The following PROB1 variants were observed in gnomAD, a reference collection of about 807,000 sequenced individuals.
The protein encoded by PROB1 is proline rich basic protein 1.
For synonymous variants in PROB1, 660 were observed against 699.3 expected (o/e 0.94, Z 0.89); for missense variants, 1,453 against 1,485.7 (o/e 0.98, Z 0.36).
chr5:139,394,156 G>A lies in PROB1; in HGVS notation c.926C>T (p.Ala309Val). ...PLRVRDNSAP[A>V]KAPRPWPSLR... ...GCTGGGCCACGGCCTCGGGGCCTTG[G>A]CGGGGGCCGAATTATCTCGTACGCG... is the stretch of plus-strand genomic sequence containing the variant. The change falls in exon 1 of 1, where the codon GCC becomes GTC. Residue 309 changes from alanine to valine, a missense_variant. By Grantham distance (64) the Ala-to-Val change is moderately conservative (BLOSUM62 0). Transcript: ENST00000434752. The A allele has an allele frequency of 1.9e-6, 3 of 1,546,206 alleles. No individual in the cohort carries two copies. Among genetic ancestry groups the A allele is most frequent in the Non-Finnish European group, 2.6e-6 (3 of 1,144,238 alleles).
chr5:139,394,092 G>A lies in PROB1; in HGVS notation c.990C>T (p.Pro330=). 7 of 1,550,444 alleles carry A rather than the reference G, an allele frequency of 4.5e-6. No homozygotes were observed. The highest frequency in any genetic ancestry group is 1.4e-5 in the African/African-American group (1 of 73,182). ...ERAIRRDKPA[P]GTEPLGPVSS... is the part of the protein sequence containing the mutation. ...TAACAGGACCCAGCGGCTCCGTCCC[G>A]GGCGCAGGCTTGTCGCGCCGAATCG... is the stretch of plus-strand genomic sequence containing the variant. Residue 330 remains proline, a synonymous_variant, in exon 1 of 1, where the codon CCC becomes CCT. Coordinates refer to ENST00000434752, the MANE Select transcript of PROB1 (RefSeq NM_001161546.2).
rs1385327897 is a variant in PROB1 at position 139,393,018 on chromosome 5, T to C, written c.2064A>G (p.Leu688=). 20 of 1,522,294 alleles carry C rather than the reference T, an allele frequency of 1.3e-5. No individual in the cohort carries two copies. The highest frequency in any genetic ancestry group is 1.8e-5 in the Non-Finnish European group (20 of 1,133,134). 94.3% of individuals were successfully genotyped at this position (1,522,294 alleles called of 1,614,324 possible). The stretch of plus-strand genomic sequence containing the variant: ...GCTCGTAGGGGTGCGGCACCACCGG[T>C]AGAAAATCCTTGATGAAAACGGAAG... ...HYTSVFIKDF[L]PVVPHPYEPP... The change falls in exon 1 of 1, where the codon CTA becomes CTG. Residue 688 remains leucine (L), a synonymous_variant. Coordinates refer to ENST00000434752, the MANE Select transcript of PROB1 (RefSeq NM_001161546.2).
rs1168387679 is a variant in PROB1, at chr5:139,393,995, G to A, written c.1087C>T (p.Pro363Ser). Residue 363 changes from proline to serine, a missense_variant, in exon 1 of 1, where the codon CCG becomes TCG. Physicochemically the swap from Pro to Ser is moderately conservative, Grantham distance 74 (BLOSUM62 -1). Transcript: ENST00000434752. ...ARKTRFPREA[P>S]DRTVQRARSP... ...CGTGCCCTCTGAACAGTTCGATCCG[G>A]CGCCTCTCGCGGGAACCGAGTCTTC... 5 of 1,550,578 alleles carry A rather than the reference G, an allele frequency of 3.2e-6. No homozygotes were observed. The highest frequency in any genetic ancestry group is 1.2e-5 in the South Asian group (1 of 84,066).
In PROB1 at chr5:139,394,518, A is replaced by G; in HGVS notation, c.564T>C (p.Cys188=). 1 of 1,453,238 alleles carries G rather than the reference A, an allele frequency of 6.9e-7. No individual in the cohort carries two copies. Among genetic ancestry groups the G allele is most frequent in the Non-Finnish European group, 9.0e-7 (1 of 1,111,046 alleles). The allele number at this position is 1,453,238 out of a possible 1,614,324, so 90.0% of individuals were successfully genotyped here. ...CGCCCTCCTCCAGAGCCACCTCCACACACTCGAACTGCGCTGGGGCGGCAG... is the reference window on the plus strand; with the variant it reads ...CGCCCTCCTCCAGAGCCACCTCCACGCACTCGAACTGCGCTGGGGCGGCAG... ...PSPAAPAQFE[C]VEVALEEGAA... The change falls in exon 1 of 1, where the codon TGT becomes TGC. Residue 188 remains cysteine, a synonymous_variant. Coordinates refer to ENST00000434752, the MANE Select transcript of PROB1 (RefSeq NM_001161546.2).
rs2152076994 is a variant in PROB1, at chr5:139,394,434, G to T, written c.648C>A (p.Pro216=). The T allele has an allele frequency of 1.4e-6, 2 of 1,394,978 alleles. No individual in the cohort carries two copies. The highest frequency in any genetic ancestry group is 2.9e-5 in the East Asian group (1 of 34,238). 86.4% of individuals were successfully genotyped at this position (1,394,978 alleles called of 1,614,324 possible). Residue 216 remains proline, a synonymous_variant, in exon 1 of 1, where the codon CCC becomes CCA. Coordinates refer to ENST00000434752, the MANE Select transcript of PROB1 (RefSeq NM_001161546.2). The part of the protein sequence containing the change: ...PKRQIELRPR[P]QSPPRAAGAP... ...CGCCGGCCGCCCTTGGGGGACTCTG[G>T]GGCCGGGGGCGCAGCTCGATCTGAC...
At position 139,392,315 on chromosome 5, in the gene PROB1, G is replaced by A; in HGVS notation, c.2767C>T (p.Pro923Ser). 1.3e-6 allele frequency: 2 copies of A among 1,504,688 alleles called. No individual in the cohort carries two copies. Among genetic ancestry groups the A allele is most frequent in the Non-Finnish European group, 1.8e-6 (2 of 1,123,786 alleles). 93.2% of individuals were successfully genotyped at this position (1,504,688 alleles called of 1,614,324 possible). A position where few individuals can be genotyped will look rare whatever the true frequency, so the allele number is the denominator to read the frequency against. Residue 923 changes from proline to serine, a missense_variant, in exon 1 of 1, where the codon CCC becomes TCC. Transcript: ENST00000434752. The surrounding 1 kb of genome is among the most constrained non-coding windows in gnomAD (Gnocchi z 5.8). ...YVEVLLPPSS[P>S]GPPHRVYTPL... ...GTGTAGACGCGGTGGGGCGGCCCGG[G>A]AGACGAGGGCGGCAGCAACACCTCC...
chr5:139,394,953 G>A lies in PROB1; in HGVS notation c.129C>T (p.Pro43=). 6.6e-7 allele frequency: 1 copy of A among 1,521,906 alleles called. No homozygotes were observed. Among genetic ancestry groups the A allele is most frequent in the Non-Finnish European group, 8.8e-7 (1 of 1,136,066 alleles). The allele number at this position is 1,521,906 out of a possible 1,614,324, so 94.3% of individuals were successfully genotyped here. A position where few individuals can be genotyped will look rare whatever the true frequency, so the allele number is the denominator to read the frequency against. ...SYYTAPGSPE[P]PDVGPDAKGP... ...CTTTCGCGTCCGGCCCAACGTCCGG[G>A]GGCTCCGGAGAACCTGGAGCCGTGT... The change falls in exon 1 of 1, where the codon CCC becomes CCT. Residue 43 remains proline (P), a synonymous_variant. Coordinates refer to ENST00000434752, the MANE Select transcript of PROB1 (RefSeq NM_001161546.2).
chr5:139,392,536 G>T lies in PROB1; in HGVS notation c.2546C>A (p.Ala849Asp). Residue 849 changes from alanine to aspartate, a missense_variant, in exon 1 of 1, where the codon GCC becomes GAC. Physicochemically the swap from Ala to Asp is moderately radical, Grantham distance 126. Coordinates refer to ENST00000434752, the MANE Select transcript of PROB1 (RefSeq NM_001161546.2). The surrounding 1 kb of genome is among the most constrained non-coding windows in gnomAD (Gnocchi z 5.8). ...AGGCGCCGAGGCAGCGCGGGGCTGGGCTGGGGCCGTCCTGCCCGCCAACGC... is the reference window on the plus strand; with the variant it reads ...AGGCGCCGAGGCAGCGCGGGGCTGGTCTGGGGCCGTCCTGCCCGCCAACGC... The part of the protein sequence containing the change: ...PLALAGRTAP[A>D]QPRAASAPPT... The T allele has an allele frequency of 7.4e-7, 1 of 1,352,914 alleles. No homozygotes were observed. The highest frequency in any genetic ancestry group is 1.8e-5 in the South Asian group (1 of 54,728). 83.8% of individuals were successfully genotyped at this position (1,352,914 alleles called of 1,614,324 possible).
At position 139,394,174 on chromosome 5, in the gene PROB1, C is replaced by T. The variant is rs1417641703; in HGVS notation, c.908G>A (p.Arg303Gln). 7 of 1,546,318 alleles carry T rather than the reference C, an allele frequency of 4.5e-6. No individual in the cohort carries two copies. The highest frequency in any genetic ancestry group is 2.5e-5 in the East Asian group (1 of 40,786). ...GGCCTTGGCGGGGGCCGAATTATCT[C>T]GTACGCGAAGTGGCCGAGACTTAGC... ...EKAKSRPLRV[R>Q]DNSAPAKAPR... Residue 303 changes from arginine to glutamine, a missense_variant, in exon 1 of 1, where the codon CGA becomes CAA. Arg to Gln is a conservative substitution (Grantham distance 43). Coordinates refer to ENST00000434752, the MANE Select transcript of PROB1 (RefSeq NM_001161546.2).
At position 139,392,389 on chromosome 5, in the gene PROB1, C is replaced by G; in HGVS notation, c.2693G>C (p.Arg898Pro). 6.6e-7 allele frequency: 1 copy of G among 1,518,346 alleles called. No individual in the cohort carries two copies. 94.1% of individuals were successfully genotyped at this position (1,518,346 alleles called of 1,614,324 possible). ...GAAGAGCACCCGCAGCCGAGGCTGC[C>G]GCGGCGCCTCCACAAAGTAGTAGCG... Reference protein sequence around the residue: ...SGRYYFVEAPRQPRLRVLFDP... With the variant: ...SGRYYFVEAPPQPRLRVLFDP... The change falls in exon 1 of 1, where the codon CGG becomes CCG. Residue 898 changes from arginine to proline, a missense_variant. Physicochemically the swap from Arg to Pro is moderately radical, Grantham distance 103. Coordinates refer to ENST00000434752, the MANE Select transcript of PROB1 (RefSeq NM_001161546.2). The surrounding 1 kb of genome is among the most constrained non-coding windows in gnomAD (Gnocchi z 5.8).
At position 139,393,771 on chromosome 5, in the gene PROB1, C is replaced by G. The variant is rs1288633246; in HGVS notation, c.1311G>C (p.Trp437Cys). The part of the protein sequence containing the change: ...SPLFPEASSE[W>C]ENQNPAVEET... ...CCTCGACGGCAGGATTTTGATTTTC[C>G]CACTCGGAGGAGGCTTCAGGGAACA... Residue 437 changes from tryptophan to cysteine, a missense_variant, in exon 1 of 1, where the codon TGG (tryptophan) becomes TGC (cysteine). Coordinates refer to ENST00000434752, the MANE Select transcript of PROB1 (RefSeq NM_001161546.2). 6.2e-5 allele frequency: 96 copies of G among 1,551,318 alleles called. No homozygotes were observed. Among genetic ancestry groups the G allele is most frequent in the Non-Finnish European group, 8.1e-5 (93 of 1,146,996 alleles).
rs1213649635 is a variant in PROB1 at position 139,393,530 on chromosome 5, G to C, written c.1552C>G (p.Pro518Ala). ...CCCATGGGATCCCATGTCTCTTGGGGAGATGGGCCCCAAGTTCCAATAGGA... is the reference window on the plus strand; with the variant it reads ...CCCATGGGATCCCATGTCTCTTGGGCAGATGGGCCCCAAGTTCCAATAGGA... ...DRPIGTWGPS[P>A]QETWDPMGPG... The change falls in exon 1 of 1, where the codon CCC becomes GCC. Residue 518 changes from proline (P) to alanine (A), a missense_variant. By Grantham distance (27) the Pro-to-Ala change is conservative. Coordinates refer to ENST00000434752, the MANE Select transcript of PROB1 (RefSeq NM_001161546.2). The C allele has an allele frequency of 1.9e-6, 3 of 1,551,432 alleles. No homozygotes were observed. The highest frequency in any genetic ancestry group is 2.6e-6 in the Non-Finnish European group (3 of 1,146,898).
Position 139,392,135 on chromosome 5 carries a change from C to T in PROB1, c.2947G>A (p.Val983Met). The change falls in exon 1 of 1, where the codon GTG becomes ATG. Residue 983 changes from valine (V) to methionine (M), a missense_variant. By Grantham distance (21) the Val-to-Met change is conservative. Transcript: ENST00000434752. This position sits in a 1 kb window ranked among gnomAD's most constrained non-coding sequence, Gnocchi z 5.8. ...GPLDGTYYLP[V>M]SGTPNPAPPL... ...GGTGCGGGGTTGGGGGTCCCGCTCA[C>T]CGGCAGGTAGTAGGTCCCGTCCAGG... The T allele has an allele frequency of 1.4e-6, 2 of 1,408,342 alleles. No homozygotes were observed. Among genetic ancestry groups the T allele is most frequent in the Non-Finnish European group, 1.9e-6 (2 of 1,076,476 alleles). 87.2% of individuals were successfully genotyped at this position (1,408,342 alleles called of 1,614,324 possible).
Position 139,393,230 on chromosome 5 carries a change from G to C in PROB1, c.1852C>G (p.Arg618Gly). The change falls in exon 1 of 1, where the codon CGC becomes GGC. Residue 618 changes from arginine to glycine, a missense_variant. Arg to Gly is a moderately radical substitution (Grantham distance 125, BLOSUM62 -2). Coordinates refer to ENST00000434752, the MANE Select transcript of PROB1 (RefSeq NM_001161546.2). ...TCTCGAGGCCGCGGAATGGCCATGC[G>C]CGGGCGTCCCGAGGCCGCCTCTCCA... is the stretch of plus-strand genomic sequence containing the variant. ...GPGEAASGRP[R>G]MAIPRPRDVR... 2 of 1,549,156 alleles carry C rather than the reference G, an allele frequency of 1.3e-6. No homozygotes were observed. The highest frequency in any genetic ancestry group is 1.7e-6 in the Non-Finnish European group (2 of 1,146,898).
At position 139,393,734 on chromosome 5, in the gene PROB1, T is replaced by G. The variant is rs1434377298; in HGVS notation, c.1348A>C (p.Arg450=). ...QNPAVEETVS[R]RSPSPPILSQ... is the part of the protein sequence containing the mutation. The stretch of plus-strand genomic sequence containing the variant: ...AGGATCGGAGGGGAAGGGCTTCTCC[T>G]GCTGACAGTTTCCTCGACGGCAGGA... Residue 450 remains arginine (R), a synonymous_variant, in exon 1 of 1, where the codon AGG becomes CGG. Transcript: ENST00000434752. The G allele has an allele frequency of 6.4e-7, 1 of 1,551,374 alleles. No individual in the cohort carries two copies. Among genetic ancestry groups the G allele is most frequent in the Admixed American group, 2.0e-5 (1 of 51,006 alleles).
In PROB1 at chr5:139,394,954, G is replaced by T. The variant is rs1178118134; in HGVS notation, c.128C>A (p.Pro43His). The change falls in exon 1 of 1, where the codon CCC becomes CAC. Residue 43 changes from proline (P) to histidine (H), a missense_variant. Physicochemically the swap from Pro to His is moderately conservative, Grantham distance 77 (BLOSUM62 -2). Coordinates refer to ENST00000434752, the MANE Select transcript of PROB1 (RefSeq NM_001161546.2). ...TTTCGCGTCCGGCCCAACGTCCGGG[G>T]GCTCCGGAGAACCTGGAGCCGTGTA... is the stretch of plus-strand genomic sequence containing the variant. ...SYYTAPGSPE[P>H]PDVGPDAKGP... The T allele has an allele frequency of 1.3e-6, 2 of 1,521,798 alleles. No homozygotes were observed. Among genetic ancestry groups the T allele is most frequent in the Admixed American group, 2.1e-5 (1 of 47,076 alleles). The allele number at this position is 1,521,798 out of a possible 1,614,324, so 94.3% of individuals were successfully genotyped here. A position where few individuals can be genotyped will look rare whatever the true frequency, so the allele number is the denominator to read the frequency against.
At position 139,393,976 on chromosome 5, in the gene PROB1, C is replaced by T. The variant is rs1758645306; in HGVS notation, c.1106G>A (p.Arg369Lys). 1 of 1,550,564 alleles carries T rather than the reference C, an allele frequency of 6.4e-7. No individual in the cohort carries two copies. The highest frequency in any genetic ancestry group is 1.4e-5 in the African/African-American group (1 of 73,072). The change falls in exon 1 of 1, where the codon AGG becomes AAG. Residue 369 changes from arginine (R) to lysine (K), a missense_variant. By Grantham distance (26) the Arg-to-Lys change is conservative. Coordinates refer to ENST00000434752, the MANE Select transcript of PROB1 (RefSeq NM_001161546.2). ...PREAPDRTVQ[R>K]ARSPPFECRI... Reference sequence around the variant, plus strand: ...ACACTCAAAAGGCGGACTCCGTGCCCTCTGAACAGTTCGATCCGGCGCCTC... The same window carrying T: ...ACACTCAAAAGGCGGACTCCGTGCCTTCTGAACAGTTCGATCCGGCGCCTC...
rs1032257177 is a variant in PROB1 at position 139,394,396 on chromosome 5, C to T, written c.686G>A (p.Arg229Gln). ...CAGGGAACCGGTGCGCAGGAGCAGCCGGGGGCGCGGCGCGCCGGCCGCCCT... is the reference window on the plus strand; with the variant it reads ...CAGGGAACCGGTGCGCAGGAGCAGCTGGGGGCGCGGCGCGCCGGCCGCCCT... ...PPRAAGAPRPRLLLRTGSLDE... is the reference protein window; with the variant it reads ...PPRAAGAPRPQLLLRTGSLDE... Residue 229 changes from arginine to glutamine, a missense_variant, in exon 1 of 1, where the codon CGG becomes CAG. By Grantham distance (43) the Arg-to-Gln change is conservative. Transcript: ENST00000434752. The T allele has an allele frequency of 1.4e-6, 2 of 1,391,020 alleles. No individual in the cohort carries two copies. The highest frequency in any genetic ancestry group is 3.1e-5 in the African/African-American group (2 of 65,162). 86.2% of individuals were successfully genotyped at this position (1,391,020 alleles called of 1,614,324 possible). A position where few individuals can be genotyped will look rare whatever the true frequency, so the allele number is the denominator to read the frequency against.
In PROB1 at chr5:139,392,589, G is replaced by T; in HGVS notation, c.2493C>A (p.Val831=). ...GGGGCTCCCGCGGGAGTGGCGCCTG[G>T]ACGGCAGCCGCGGGCTCGGGGGCCG... The part of the protein sequence containing the change: ...PPTAPEPAAA[V]QAPLPREPLA... The change falls in exon 1 of 1, where the codon GTC becomes GTA. Residue 831 remains valine, a synonymous_variant. Coordinates refer to ENST00000434752, the MANE Select transcript of PROB1 (RefSeq NM_001161546.2). This position sits in a 1 kb window ranked among gnomAD's most constrained non-coding sequence, Gnocchi z 5.8. The T allele has an allele frequency of 7.3e-7, 1 of 1,366,298 alleles. No homozygotes were observed. Among genetic ancestry groups the T allele is most frequent in the Admixed American group, 3.9e-5 (1 of 25,448 alleles). 84.6% of individuals were successfully genotyped at this position (1,366,298 alleles called of 1,614,324 possible).
Sources: allele counts gnomAD v4.1 joint callset, GRCh38; gene constraint gnomAD v4.1.1; non-coding constraint Gnocchi (gnomAD v3.1); transcripts MANE v1.5; gene names NCBI Gene and HGNC (gene_info 2026-07-23, HGNC 2026-07-21).